Variants in BRD10 observed in about 807,000 individuals in gnomAD.
The protein encoded by BRD10 is bromodomain containing 10.
chr9:5,924,690 A>G, the BRD10 span: 2 of 1,534,230 alleles, frequency 1.3e-6, no homozygotes, highest in South Asian at 2.7e-5. Context: ...CAGGATATCC[A>G]GAGGTTCTGT....
At chr9:5,955,626 A>C in the BRD10 span, among the ~76,000 whole-genome samples, 1 of 149,506 alleles carries the variant, frequency 6.7e-6, no homozygotes, top group African/African-American at 2.6e-5. Context: ...ACTATGACTG[A>C]ACTGCAAATT....
the BRD10 span, among the ~76,000 whole-genome samples, chr9:5,973,188 T>C: frequency 6.6e-6 from 1 of 152,198 alleles, no homozygotes; most frequent in African/African-American, 2.4e-5. Flanking sequence ...CAACAACAGT[T>C]GGGCCCTGTG....
the BRD10 span, among the ~76,000 whole-genome samples, chr9:5,951,492 T>C: frequency 6.6e-6 from 1 of 152,194 alleles, no homozygotes; most frequent in South Asian, 2.1e-4. Context: ...GCAAGATATT[T>C]CAGAATGAAT....
chr9:5,956,619 T>C, the BRD10 span, among the ~76,000 whole-genome samples: 1 of 152,158 alleles, frequency 6.6e-6, no homozygotes, highest in Non-Finnish European at 1.5e-5. Context: ...GATCAATAAA[T>C]GTTAGCTATT....
At chr9:5,968,664 C>T in the BRD10 span, 1 of 1,613,810 alleles carries the variant, frequency 6.2e-7, no homozygotes, top group Non-Finnish European at 8.5e-7. Context: ...CATCTATGTT[C>T]TCCATTACTT....
the BRD10 span, among the ~76,000 whole-genome samples, chr9:5,901,461 T>C: frequency 6.6e-6 from 1 of 152,246 alleles, no homozygotes; most frequent in Non-Finnish European, 1.5e-5. Context: ...TCTACATCTA[T>C]TGATACAATC....
the BRD10 span, among the ~76,000 whole-genome samples, chr9:5,999,260 T>C: frequency 9.2e-5 from 14 of 152,056 alleles, no homozygotes; most frequent in Non-Finnish European, 1.9e-4. Flanking sequence ...GTCTGACAAA[T>C]TATTTGGAGA....
the BRD10 span, chr9:5,920,209 T>C: frequency 6.2e-7 from 1 of 1,613,908 alleles, no homozygotes; most frequent in Non-Finnish European, 8.5e-7. Context: ...ATTGAATGCC[T>C]TGGCCACTGT....
chr9:5,908,881 G>A, the BRD10 span: 14 of 584,578 alleles, frequency 2.4e-5, no homozygotes, highest in Non-Finnish European at 3.6e-5. Flanking sequence ...CTAATCATGT[G>A]AGGAAATGAT....
the BRD10 span, chr9:6,007,742 C>A: frequency 1.9e-6 from 3 of 1,595,200 alleles, no homozygotes; most frequent in Non-Finnish European, 1.7e-6. Flanking sequence ...GGCCGCTCTT[C>A]CTCCCCAGCC....
At chr9:5,914,899 T>C in the BRD10 span, among the ~76,000 whole-genome samples, 1 of 152,156 alleles carries the variant, frequency 6.6e-6, no homozygotes, top group African/African-American at 2.4e-5. Context: ...AGGCCATTTA[T>C]ATATGCTATG....
At chr9:5,888,831 G>A in the BRD10 span, among the ~76,000 whole-genome samples, 1 of 152,248 alleles carries the variant, frequency 6.6e-6, no homozygotes, top group Non-Finnish European at 1.5e-5. Flanking sequence ...CATGAGCTGA[G>A]TGAAAATTTA....
At chr9:5,991,174 GTGTGTGTATATATA>G in the BRD10 span, among the ~76,000 whole-genome samples, 1 of 37,720 alleles carries the variant, frequency 2.7e-5, no homozygotes, top group Non-Finnish European at 2.4e-4. Flanking sequence ...TTTTGTGTGT[GTGTGTGTATATATA>G]TATATATATA....
chr9:5,912,811 C>G, the BRD10 span, among the ~76,000 whole-genome samples: 8 of 152,314 alleles, frequency 5.3e-5, no homozygotes, highest in African/African-American at 1.9e-4. Context: ...TGCTTTGATC[C>G]CCTAAGCTTC....
chr9:5,917,808 G>T, the BRD10 span, among the ~76,000 whole-genome samples: 1 of 152,194 alleles, frequency 6.6e-6, no homozygotes, highest in Non-Finnish European at 1.5e-5. Context: ...AGCTGAGATA[G>T]CACCATGGCA....
chr9:5,948,401 A>C, the BRD10 span, among the ~76,000 whole-genome samples: 1 of 152,102 alleles, frequency 6.6e-6, no homozygotes, highest in Admixed American at 6.6e-5. Flanking sequence ...TTTATATCTA[A>C]GCTTTCATTT....
the BRD10 span, chr9:5,969,162 T>A: frequency 5.0e-6 from 8 of 1,613,762 alleles, no homozygotes; most frequent in Non-Finnish European, 6.8e-6. Flanking sequence ...CGATGTAAGG[T>A]AGGTCTGCGA....
the BRD10 span, among the ~76,000 whole-genome samples, chr9:5,934,366 TTTTTTTTTTG>T: frequency 6.7e-6 from 1 of 149,644 alleles, no homozygotes; most frequent in East Asian, 1.9e-4. Context: ...TTCTTTTTTT[TTTTTTTTTTG>T]GAGACAGGGT....
At chr9:5,939,678 A>C in the BRD10 span, among the ~76,000 whole-genome samples, 1 of 152,254 alleles carries the variant, frequency 6.6e-6, no homozygotes. Flanking sequence ...AGCAGTGGAC[A>C]GAATGAAAGA....
Sources: allele counts gnomAD v4.1 joint callset (sites outside exome capture counted in the v4.1 genomes callset), GRCh38; gene constraint gnomAD v4.1.1; transcripts MANE v1.5; gene names NCBI Gene and HGNC (gene_info 2026-07-23, HGNC 2026-07-21).